Variants in TMEM232 observed in about 807,000 individuals in gnomAD.
TMEM232 encodes transmembrane protein 232.
A neutral mutation model predicts 78.8 loss-of-function variants in TMEM232; 80 were observed. The observed-to-expected ratio is 1.01, with a 90% confidence interval of 0.85 to 1.22. The LOEUF (loss-of-function observed/expected upper bound fraction) is 1.22, where lower values mean the gene tolerates loss of function less well. TMEM232 is among the 50% of genes most tolerant of loss of function. TMEM232 has a pLI of 0.00. For synonymous variants in TMEM232, 297 were observed against 254.3 expected, an observed-to-expected ratio of 1.17 and a Z score of -1.60; for missense variants, 881 against 742.2, an observed-to-expected ratio of 1.19 and a Z score of -2.17.
chr5:110,673,081 A>G (rs1455284534), intron 1 of TMEM232, among the ~76,000 whole-genome samples: 1 of 152,226 alleles, frequency 6.6e-6, no homozygotes, highest in African/African-American at 2.4e-5. Flanking sequence ...AGACTGGATT[A>G]AGAAAATGTG....
intron 4 of TMEM232, among the ~76,000 whole-genome samples, chr5:110,639,960 G>A (rs1786432311): frequency 6.6e-6 from 1 of 152,204 alleles, no homozygotes; most frequent in Non-Finnish European, 1.5e-5. Context: ...ACAGACCACA[G>A]ACTGGTACCA....
intron 1 of TMEM232, among the ~76,000 whole-genome samples, chr5:110,702,299 A>G (rs993911968): frequency 3.9e-5 from 6 of 151,940 alleles, no homozygotes; most frequent in African/African-American, 1.4e-4. Context: ...GTATAGTCCT[A>G]TTTTCTTATA....
intron 11 of TMEM232, among the ~76,000 whole-genome samples, chr5:110,554,425 G>T (rs887550209): frequency 3.3e-5 from 5 of 152,144 alleles, no homozygotes; most frequent in African/African-American, 9.7e-5. Context: ...TTGTGATCAT[G>T]TGAGTTAATA....
Position 110,408,217 on chromosome 5 carries a change from T to C in TMEM232, n.309-10363A>G, listed in dbSNP as rs572436849. Among the ~76,000 whole-genome samples the C allele has an allele frequency of 1.6e-4, 24 of 152,082 alleles. No individual in the cohort carries two copies. In the South Asian group the frequency reaches 4.8e-3, roughly 30 times the overall value. On this transcript the variant is annotated intron_variant and non_coding_transcript_variant, in intron 2 of 8. Coordinates refer to the TMEM232 transcript ENST00000507188. ...AACCTAATGGTGCACCTCAAGGAAT[T>C]AGAGAAGCAAGAACAAACCAATTAG... is the stretch of plus-strand genomic sequence containing the variant.
At chr5:110,589,094 A>G (rs1418858535) in intron 10 of TMEM232, among the ~76,000 whole-genome samples, 1 of 152,164 alleles carries the variant, frequency 6.6e-6, no homozygotes, top group Non-Finnish European at 1.5e-5. Context: ...TAGAACACAA[A>G]GCTGTGCTTC....
chr5:110,706,313 C>T (rs887106556), intron 1 of TMEM232, among the ~76,000 whole-genome samples: 5 of 152,096 alleles, frequency 3.3e-5, no homozygotes, highest in Admixed American at 2.0e-4. Context: ...GATGTATGTT[C>T]CAACTATCAA....
chr5:110,735,089 G>A (rs1413277057), intron 1 of TMEM232: 1 of 152,172 alleles, frequency 6.6e-6, no homozygotes, highest in Non-Finnish European at 1.5e-5. Context: ...CATAGTAGGT[G>A]CTTAATATAT....
intron 11 of TMEM232, among the ~76,000 whole-genome samples, chr5:110,533,954 A>C (rs1339354953): frequency 2.0e-5 from 3 of 152,168 alleles, no homozygotes; most frequent in African/African-American, 7.2e-5. Flanking sequence ...ATAACTTCTC[A>C]GTGTTCCATC....
At chr5:110,628,551 A>C (rs1784705946) in intron 5 of TMEM232, among the ~76,000 whole-genome samples, 2 of 152,062 alleles carry the variant, frequency 1.3e-5, no homozygotes, top group Non-Finnish European at 2.9e-5. Context: ...AAAAATATAT[A>C]ATCTGCAACA....
intron 8 of TMEM232, among the ~76,000 whole-genome samples, chr5:110,608,644 T>G (rs1322148900): frequency 6.6e-6 from 1 of 152,064 alleles, no homozygotes; most frequent in Non-Finnish European, 1.5e-5. Flanking sequence ...AGAGAAATGC[T>G]TCACCAGCAA....
chr5:110,478,252 T>C (rs966448834), intron 12 of TMEM232, among the ~76,000 whole-genome samples: 1 of 151,968 alleles, frequency 6.6e-6, no homozygotes, highest in Non-Finnish European at 1.5e-5. Context: ...AAAATGTTAA[T>C]GAAATATTAA....
intron 5 of TMEM232, among the ~76,000 whole-genome samples, chr5:110,637,816 T>C (rs1786084599): frequency 1.3e-5 from 2 of 152,168 alleles, no homozygotes; most frequent in African/African-American, 4.8e-5. Flanking sequence ...GAAGAACAAC[T>C]AAGTTTCCCA....
intron 12 of TMEM232, among the ~76,000 whole-genome samples, chr5:110,451,425 A>T: frequency 6.6e-6 from 1 of 152,270 alleles, no homozygotes; most frequent in South Asian, 2.1e-4. Flanking sequence ...CTTTGATGGC[A>T]TCTCTTTGCT....
intron 2 of TMEM232, among the ~76,000 whole-genome samples, chr5:110,408,690 T>C (rs549249824): frequency 6.6e-6 from 1 of 151,982 alleles, no homozygotes; most frequent in African/African-American, 2.4e-5. Context: ...TGGTTAGACT[T>C]AGAAAAAATA....
intron 10 of TMEM232, among the ~76,000 whole-genome samples, chr5:110,570,399 T>C (rs1561708547): frequency 6.6e-6 from 1 of 151,980 alleles, no homozygotes; most frequent in Admixed American, 6.6e-5. Flanking sequence ...AAAAAGATAA[T>C]CTGTATCTTC....
chr5:110,407,044 C>T (rs192601916), intron 2 of TMEM232, among the ~76,000 whole-genome samples: 268 of 151,994 alleles, frequency 1.8e-3, no homozygotes, highest in Non-Finnish European at 2.5e-3. Flanking sequence ...GAGATAATAA[C>T]TACAAAGGAA....
intron 1 of TMEM232, among the ~76,000 whole-genome samples, chr5:110,672,866 C>A (rs1791541865): frequency 6.6e-6 from 1 of 152,024 alleles, no homozygotes; most frequent in Non-Finnish European, 1.5e-5. Context: ...TACAATAAGA[C>A]CACATTGCAT....
chr5:110,606,231 G>T lies in TMEM232; in HGVS notation c.959C>A (p.Ala320Asp). ...TACGTCCATTAAAGCTTTCAAGCAG[G>T]CCATGTTTAATTTGGCAGCCTCCCC... ...VLGEAAKLNMACLKALMDVVR... is the reference protein window; with the variant it reads ...VLGEAAKLNMDCLKALMDVVR... The change falls in exon 9 of 14, where the codon GCC becomes GAC. Residue 320 changes from alanine (A) to aspartate (D), a missense_variant. Transcript: ENST00000455884. 1 of 1,543,872 alleles carries T rather than the reference G, an allele frequency of 6.5e-7. No individual in the cohort carries two copies. Among genetic ancestry groups the T allele is most frequent in the Non-Finnish European group, 8.8e-7 (1 of 1,141,584 alleles).
At chr5:110,649,127 T>C (rs1787935112) in intron 2 of TMEM232, among the ~76,000 whole-genome samples, 1 of 152,022 alleles carries the variant, frequency 6.6e-6, no homozygotes, top group Non-Finnish European at 1.5e-5. Context: ...AAACTGCAAC[T>C]ATACAAACAA....
Sources: allele counts gnomAD v4.1 joint callset (sites outside exome capture counted in the v4.1 genomes callset), GRCh38; gene constraint gnomAD v4.1.1; transcripts MANE v1.5; gene names NCBI Gene and HGNC (gene_info 2026-07-23, HGNC 2026-07-21).